The following GRM8 variants were observed in gnomAD, a reference collection of about 807,000 sequenced individuals.
GRM8 encodes the protein glutamate metabotropic receptor 8, also known as metabotropic glutamate receptor 8.
GRM8 carries 47 observed loss-of-function variants against 87.2 expected under a neutral mutation model. That is an observed-to-expected ratio of 0.54 (90% CI 0.43 to 0.69). The LOEUF (loss-of-function observed/expected upper bound fraction) is 0.69. GRM8 is among the 30% of genes least tolerant of loss of function. The pLI is 0.00. For missense variants in GRM8, 1,019 were observed against 1,139.2 expected, an observed-to-expected ratio of 0.89 and a Z score of 1.52; for synonymous variants, 396 against 404.5, an observed-to-expected ratio of 0.98 and a Z score of 0.25.
At chr7:127,056,510 T>C (rs920453752) in intron 3 of GRM8, among the ~76,000 whole-genome samples, 1 of 152,150 alleles carries the variant, frequency 6.6e-6, no homozygotes, top group African/African-American at 2.4e-5. Context: ...GTGTCAATAA[T>C]TTTTGAACAC....
At chr7:127,084,233 T>C (rs1472201775) in intron 3 of GRM8, 3 of 152,178 alleles carry the variant, frequency 2.0e-5, no homozygotes, top group Admixed American at 6.5e-5. Flanking sequence ...TAAACAGAGT[T>C]GGTGGGCAAG....
chr7:126,468,733 T>C (rs1411015687), intron 9 of GRM8, among the ~76,000 whole-genome samples: 1 of 152,124 alleles, frequency 6.6e-6, no homozygotes, highest in Non-Finnish European at 1.5e-5. Context: ...ATTGCAAAAG[T>C]GCTAAAAGCT....
intron 3 of GRM8, among the ~76,000 whole-genome samples, chr7:127,003,016 C>A (rs1218134406): frequency 6.6e-6 from 1 of 151,570 alleles, no homozygotes; most frequent in South Asian, 2.1e-4. Context: ...GTACAGATAG[C>A]CTTCAAACAA....
At chr7:126,589,104 G>A (rs893036431) in intron 8 of GRM8, among the ~76,000 whole-genome samples, 2 of 152,168 alleles carry the variant, frequency 1.3e-5, no homozygotes, top group Admixed American at 1.3e-4. Context: ...AACCAAACAT[G>A]CAAAATTTCT....
intron 7 of GRM8, among the ~76,000 whole-genome samples, chr7:126,646,765 T>C (rs1039075748): frequency 6.6e-6 from 1 of 152,248 alleles, no homozygotes; most frequent in African/African-American, 2.4e-5. Context: ...ATATAATCCA[T>C]GTAAAGTGCT....
At chr7:126,456,778 G>C (rs114988884) in intron 9 of GRM8, among the ~76,000 whole-genome samples, 1 of 151,290 alleles carries the variant, frequency 6.6e-6, no homozygotes, top group Admixed American at 6.6e-5. Flanking sequence ...TTCAATTGCC[G>C]ACTAGTAGAA....
intron 8 of GRM8, among the ~76,000 whole-genome samples, chr7:126,551,817 C>A (rs944189313): frequency 6.6e-6 from 1 of 151,968 alleles, no homozygotes. Flanking sequence ...ACATAGAAAT[C>A]GGGGACAGAT....
intron 3 of GRM8, among the ~76,000 whole-genome samples, chr7:127,006,751 G>C (rs1814352350): frequency 6.6e-6 from 1 of 151,902 alleles, no homozygotes; most frequent in Admixed American, 6.6e-5. Context: ...CCAGAGTTCA[G>C]TCCTTGAACG....
At chr7:126,755,658 G>T (rs1816920962) in intron 7 of GRM8, among the ~76,000 whole-genome samples, 1 of 151,878 alleles carries the variant, frequency 6.6e-6, no homozygotes, top group Admixed American at 6.6e-5. Context: ...ACAATTACAT[G>T]CTAAGAGAAA....
intron 7 of GRM8, among the ~76,000 whole-genome samples, chr7:126,723,611 A>G (rs536127574): frequency 1.3e-5 from 2 of 152,280 alleles, no homozygotes; most frequent in South Asian, 4.1e-4. Context: ...AAAGATATCA[A>G]GGGAATCAGT....
At chr7:126,830,614 T>G (rs553624408) in intron 6 of GRM8, among the ~76,000 whole-genome samples, 18 of 152,360 alleles carry the variant, frequency 1.2e-4, no homozygotes, top group African/African-American at 3.8e-4. Context: ...CTTAATTTTT[T>G]TCAAAGTTTT....
intron 8 of GRM8, among the ~76,000 whole-genome samples, chr7:126,577,711 C>A (rs898077722): frequency 3.3e-5 from 5 of 152,106 alleles, no homozygotes; most frequent in Non-Finnish European, 5.9e-5. Context: ...CTCAGCAATG[C>A]CAAAAGATAA....
At chr7:126,712,003 A>G (rs1046284135) in intron 7 of GRM8, among the ~76,000 whole-genome samples, 1 of 152,196 alleles carries the variant, frequency 6.6e-6, no homozygotes, top group Non-Finnish European at 1.5e-5. Context: ...TGTTCACTGG[A>G]GTAGCACTTT....
At chr7:127,206,769 A>C (rs1463619337) in intron 2 of GRM8, among the ~76,000 whole-genome samples, 1 of 152,204 alleles carries the variant, frequency 6.6e-6, no homozygotes, top group Non-Finnish European at 1.5e-5. Context: ...AATCCTTCAT[A>C]AATCCTCTGT....
chr7:127,148,416 CAA>C (rs149407214), intron 2 of GRM8, among the ~76,000 whole-genome samples: 5 of 139,612 alleles, frequency 3.6e-5, no homozygotes, highest in Non-Finnish European at 3.1e-5. Context: ...ATAGATGAAG[CAA>C]AAAAAAAAAA....
At chr7:127,031,609 A>G (rs1817371515) in intron 3 of GRM8, among the ~76,000 whole-genome samples, 1 of 152,162 alleles carries the variant, frequency 6.6e-6, no homozygotes, top group Admixed American at 6.6e-5. Context: ...CAGTACATCA[A>G]CAAATTAATA....
intron 7 of GRM8, among the ~76,000 whole-genome samples, chr7:126,732,652 T>C (rs2151485753): frequency 6.6e-6 from 1 of 152,274 alleles, no homozygotes; most frequent in South Asian, 2.1e-4. Flanking sequence ...GAGCTAGTAA[T>C]TTCTGCTTAG....
chr7:127,054,448 ACTTT>A (rs1819787050), intron 3 of GRM8, among the ~76,000 whole-genome samples: 1 of 152,204 alleles, frequency 6.6e-6, no homozygotes, highest in Non-Finnish European at 1.5e-5. Context: ...CAACCTCATA[ACTTT>A]CTTTGAGGGG....
At chr7:126,666,818 G>A (rs1805826102) in intron 7 of GRM8, among the ~76,000 whole-genome samples, 1 of 152,116 alleles carries the variant, frequency 6.6e-6, no homozygotes. Flanking sequence ...CTGAAATAGA[G>A]AAGGTATCTA....
Sources: allele counts gnomAD v4.1 joint callset (sites outside exome capture counted in the v4.1 genomes callset), GRCh38; gene constraint gnomAD v4.1.1; transcripts MANE v1.5; gene names NCBI Gene and HGNC (gene_info 2026-07-23, HGNC 2026-07-21).